The following PDZRN4 variants were observed in gnomAD, a reference collection of about 807,000 sequenced individuals.
PDZRN4 encodes PDZ domain-containing RING finger protein 4.
In PDZRN4, 70 loss-of-function variants were observed where a neutral mutation model predicts 99.0. That is an observed-to-expected ratio of 0.71 (90% CI 0.58 to 0.86). The LOEUF (loss-of-function observed/expected upper bound fraction) is 0.86, where lower values mean the gene tolerates loss of function less well. PDZRN4 is among the 40% of genes least tolerant of loss of function. The pLI, the probability that PDZRN4 is intolerant of heterozygous loss-of-function variation, is 0.00. For synonymous variants in PDZRN4, 551 were observed against 501.6 expected, an observed-to-expected ratio of 1.10 and a Z score of -1.32; for missense variants, 1,474 against 1,331.2, an observed-to-expected ratio of 1.11 and a Z score of -1.67.
intron 3 of PDZRN4, among the ~76,000 whole-genome samples, chr12:41,274,929 T>C (rs548818838): frequency 6.6e-6 from 1 of 152,156 alleles, no homozygotes; most frequent in African/African-American, 2.4e-5. Flanking sequence ...TGAATTATTA[T>C]AGACAGAACA....
intron 3 of PDZRN4, among the ~76,000 whole-genome samples, chr12:41,231,556 A>G (rs1951029880): frequency 6.6e-6 from 1 of 152,070 alleles, no homozygotes; most frequent in African/African-American, 2.4e-5. Context: ...TTTCCTAATT[A>G]TGTACTGAAT....
At chr12:41,286,327 C>CTTTTTTTT in intron 3 of PDZRN4, among the ~76,000 whole-genome samples, 1 of 116,202 alleles carries the variant, frequency 8.6e-6, no homozygotes, top group African/African-American at 3.0e-5. Flanking sequence ...GATCATTTTC[C>CTTTTTTTT]TTCTTCTTCT....
At chr12:41,471,815 T>C (rs1414285528) in intron 3 of PDZRN4, among the ~76,000 whole-genome samples, 1 of 151,654 alleles carries the variant, frequency 6.6e-6, no homozygotes, top group Non-Finnish European at 1.5e-5. Context: ...GTGCTACTTT[T>C]ATAAAAATTT....
chr12:41,299,373 A>G (rs1951518095), intron 3 of PDZRN4, among the ~76,000 whole-genome samples: 1 of 152,110 alleles, frequency 6.6e-6, no homozygotes, highest in African/African-American at 2.4e-5. Context: ...TTGTAATCCA[A>G]TTAAATCATC....
chr12:41,452,633 A>G (rs940928470), intron 3 of PDZRN4, among the ~76,000 whole-genome samples: 19 of 152,148 alleles, frequency 1.2e-4, no homozygotes, highest in African/African-American at 4.1e-4. Flanking sequence ...AGAGACCCAC[A>G]GAGTCAAACT....
At chr12:41,497,621 A>G (rs913324203) in intron 3 of PDZRN4, among the ~76,000 whole-genome samples, 6 of 152,154 alleles carry the variant, frequency 3.9e-5, no homozygotes, top group African/African-American at 1.4e-4. Flanking sequence ...TTTTTGTAGT[A>G]ATGAAAGAAC....
rs762705956 is a variant in PDZRN4 at position 41,202,296 on chromosome 12, G to A, written c.843+8108G>A. Reference sequence around the variant, plus strand: ...GCTTAAGGCACAGCTCACTGAGCTTGATGCTGGGAACTTTTCAAGGCAAGT... The same window carrying A: ...GCTTAAGGCACAGCTCACTGAGCTTAATGCTGGGAACTTTTCAAGGCAAGT... On this transcript the variant is annotated intron_variant, in intron 3 of 9. Transcript: ENST00000402685. 2.0e-5 allele frequency among the ~76,000 whole-genome samples: 3 copies of A among 152,072 alleles called. No individual in the cohort carries two copies. In the South Asian group the frequency reaches 6.2e-4, roughly 31 times the overall value.
At chr12:41,451,161 T>C (rs1372740564) in intron 3 of PDZRN4, among the ~76,000 whole-genome samples, 1 of 106,888 alleles carries the variant, frequency 9.4e-6, no homozygotes, top group East Asian at 3.6e-4. Context: ...TCCTTGGATG[T>C]GCAATTTAGA....
chr12:41,280,867 C>T (rs546344133), intron 3 of PDZRN4, among the ~76,000 whole-genome samples: 9 of 152,300 alleles, frequency 5.9e-5, no homozygotes, highest in African/African-American at 1.2e-4. Flanking sequence ...GCTCTGAGAA[C>T]GGACAGACTG....
rs569627749 is a variant in PDZRN4, at chr12:41,273,770, T to C, written c.843+79582T>C. ...TTTTCAGGTTTACCTGCAAAAACTA[T>C]GGTTGATTTGCAAACATGTCTTATT... On this transcript the variant is annotated intron_variant, in intron 3 of 9. Transcript: ENST00000402685. Among the ~76,000 whole-genome samples the C allele has an allele frequency of 2.6e-5, 4 of 152,248 alleles. No homozygotes were observed. In the East Asian group the frequency reaches 7.7e-4, roughly 29 times the overall value.
intron 3 of PDZRN4, among the ~76,000 whole-genome samples, chr12:41,462,945 G>A (rs1203421410): frequency 6.6e-6 from 1 of 152,146 alleles, no homozygotes; most frequent in African/African-American, 2.4e-5. Flanking sequence ...GCTTCCTCAA[G>A]GATCAGAAGG....
At chr12:41,253,063 G>A (rs1041217091) in intron 3 of PDZRN4, among the ~76,000 whole-genome samples, 1 of 152,094 alleles carries the variant, frequency 6.6e-6, no homozygotes, top group Non-Finnish European at 1.5e-5. Context: ...GAATTGTGTG[G>A]CATTAATGTC....
At chr12:41,392,332 ATAT>A (rs965597766) in intron 3 of PDZRN4, among the ~76,000 whole-genome samples, 11 of 152,062 alleles carry the variant, frequency 7.2e-5, no homozygotes, top group Non-Finnish European at 1.5e-4. Context: ...TCAGAAATAA[ATAT>A]TATTTTTAAA....
At chr12:41,568,502 T>G (rs948368779) in intron 9 of PDZRN4, among the ~76,000 whole-genome samples, 1 of 152,212 alleles carries the variant, frequency 6.6e-6, no homozygotes, top group African/African-American at 2.4e-5. Context: ...CATTTTGCCT[T>G]GAAGTCACAT....
chr12:41,294,724 A>G (rs1015079916), intron 3 of PDZRN4, among the ~76,000 whole-genome samples: 1 of 152,162 alleles, frequency 6.6e-6, no homozygotes, highest in African/African-American at 2.4e-5. Context: ...AGCTTTGCAT[A>G]CTATAAACAG....
intron 3 of PDZRN4, among the ~76,000 whole-genome samples, chr12:41,323,638 A>C (rs1386297300): frequency 1.3e-5 from 2 of 152,004 alleles, no homozygotes; most frequent in Non-Finnish European, 2.9e-5. Flanking sequence ...TATGCTTTAA[A>C]ACAGTCATAA....
intron 4 of PDZRN4, among the ~76,000 whole-genome samples, chr12:41,507,283 A>G (rs1938224751): frequency 6.6e-6 from 1 of 152,198 alleles, no homozygotes; most frequent in Non-Finnish European, 1.5e-5. Flanking sequence ...ATAAAGATCT[A>G]TTCAAGGAAT....
At chr12:41,551,701 T>C (rs1490724072) in intron 5 of PDZRN4, among the ~76,000 whole-genome samples, 1 of 152,228 alleles carries the variant, frequency 6.6e-6, no homozygotes, top group Admixed American at 6.5e-5. Flanking sequence ...CTAATTTAAA[T>C]AGACATTGTT....
intron 3 of PDZRN4, among the ~76,000 whole-genome samples, chr12:41,353,107 A>G (rs533416502): frequency 1.1e-4 from 17 of 152,192 alleles, no homozygotes; most frequent in African/African-American, 4.1e-4. Flanking sequence ...AGGCACTTCT[A>G]TTTGTTGGTG....
Sources: gnomAD v4.1 joint callset for allele counts (sites outside exome capture counted in the v4.1 genomes callset) on GRCh38, gnomAD v4.1.1 for gene constraint, MANE v1.5 for transcripts, NCBI Gene and HGNC (gene_info 2026-07-23, HGNC 2026-07-21) for gene names.